The following AGAP2 variants were observed in gnomAD, a reference collection of about 807,000 sequenced individuals.
The protein encoded by AGAP2 is ArfGAP with GTPase domain, ankyrin repeat and PH domain 2, also known as arf-GAP with GTPase, ANK repeat and PH domain-containing protein 2.
Under a neutral mutation model 110.9 loss-of-function variants are expected in AGAP2, and 32 were observed. That is an observed-to-expected ratio of 0.29 (90% CI 0.22 to 0.39). The LOEUF (loss-of-function observed/expected upper bound fraction) is 0.39. AGAP2 is among the 10% of genes least tolerant of loss of function. The pLI is 1.00. For missense variants in AGAP2, 1,285 were observed against 1,638.5 expected (o/e 0.78, Z 3.72); for synonymous variants, 702 against 713.0 (o/e 0.98, Z 0.25).
At chr12:57,724,902 G>A (rs879768940), downstream of AGAP2, 2 of 152,216 alleles carry the variant, frequency 1.3e-5, no homozygotes, top group African/African-American at 2.4e-5. Context: ...CCTCTCCATG[G>A]GCCTGTCCTC....
upstream of AGAP2, among the ~76,000 whole-genome samples, chr12:57,741,345 A>C (rs2140372412): frequency 6.6e-6 from 1 of 152,228 alleles, no homozygotes; most frequent in South Asian, 2.1e-4. Context: ...GACCAAGAAG[A>C]GTTCTGGGGA....
chr12:57,732,532 G>A lies in AGAP2; in HGVS notation c.1685-20C>T, dbSNP rs1450083518. On this transcript the variant is annotated intron_variant, in intron 6 of 18. Transcript: ENST00000547588. ...GGGCCACTGAGGGGAGTTGACGGAA[G>A]GAGGTGTGAGCAGGCCAGATACCCA... 1 of 1,569,358 alleles carries A rather than the reference G, an allele frequency of 6.4e-7. No homozygotes were observed. Among genetic ancestry groups the A allele is most frequent in the African/African-American group, 1.4e-5 (1 of 73,988 alleles).
chr12:57,726,517 C>G lies in AGAP2; in HGVS notation c.*35G>C. The G allele has an allele frequency of 4.1e-6, 5 of 1,205,828 alleles. No homozygotes were observed. The highest frequency in any genetic ancestry group is 5.2e-6 in the Non-Finnish European group (5 of 969,892). 74.7% of individuals were successfully genotyped at this position (1,205,828 alleles called of 1,614,324 possible). A position where few individuals can be genotyped will look rare whatever the true frequency, so the allele number is the denominator to read the frequency against. ...CCGCCCGGTGTGGTCGTGCCCGGCC[C>G]GCGTGGGGATGGGGGTGTCTCTCCC... On this transcript the variant is annotated 3_prime_UTR_variant, in exon 19 of 19. Coordinates refer to ENST00000547588, the MANE Select transcript of AGAP2 (RefSeq NM_001122772.3). This position sits in a 1 kb window ranked among gnomAD's most constrained non-coding sequence, Gnocchi z 5.7.
At chr12:57,732,541 A>G in intron 6 of AGAP2, 29 bp from the exon 7 acceptor site, 1 of 1,557,474 alleles carries the variant, frequency 6.4e-7, no homozygotes, top group Non-Finnish European at 8.7e-7. Context: ...AGGAGGTGTG[A>G]GCAGGCCAGA....
At chr12:57,735,339 C>T in intron 2 of AGAP2, 30 bp downstream of exon 2, 2 of 1,608,298 alleles carry the variant, frequency 1.2e-6, no homozygotes, top group Non-Finnish European at 1.7e-6. Context: ...GGTCAGCCTT[C>T]CCTATAGGCA....
chr12:57,727,874 A>T, intron 15 of AGAP2, 63 bp downstream of exon 15: 1 of 1,607,082 alleles, frequency 6.2e-7, no homozygotes, highest in East Asian at 2.2e-5. Flanking sequence ...TGTCGTTGCC[A>T]ATGGCCGTCA....
At chr12:57,733,747 G>T (rs1210568876) in intron 5 of AGAP2, among the ~76,000 whole-genome samples, 1 of 152,196 alleles carries the variant, frequency 6.6e-6, no homozygotes, top group Non-Finnish European at 1.5e-5. Flanking sequence ...AAATGGCAGT[G>T]TCAGAACACA....
chr12:57,726,713 C>A lies in AGAP2; in HGVS notation c.3418G>T (p.Ala1140Ser). 7.9e-7 allele frequency: 1 copy of A among 1,260,162 alleles called. No homozygotes were observed. The highest frequency in any genetic ancestry group is 1.0e-6 in the Non-Finnish European group (1 of 1,002,748). 78.1% of individuals were successfully genotyped at this position (1,260,162 alleles called of 1,614,324 possible). ...CAGCCGTGCTGGAGAAGGATGTCGGCGCACAGCTGGCTTCCAGCCTGGCGG... is the reference window on the plus strand; with the variant it reads ...CAGCCGTGCTGGAGAAGGATGTCGGAGCACAGCTGGCTTCCAGCCTGGCGG... ...YARQAGSQLCADILLQHGCPG... is the reference protein window; with the variant it reads ...YARQAGSQLCSDILLQHGCPG... The change falls in exon 19 of 19, where the codon GCC becomes TCC. Residue 1140 changes from alanine (A) to serine (S), a missense_variant. By Grantham distance (99) the Ala-to-Ser change is moderately conservative. Transcript: ENST00000547588. This position sits in a 1 kb window ranked among gnomAD's most constrained non-coding sequence, Gnocchi z 5.7.
At position 57,738,198 on chromosome 12, in the gene AGAP2, T is replaced by A; in HGVS notation, c.49A>T (p.Ile17Phe). The A allele has an allele frequency of 6.6e-7, 1 of 1,524,978 alleles. No homozygotes were observed. Among genetic ancestry groups the A allele is most frequent in the Non-Finnish European group, 8.8e-7 (1 of 1,141,482 alleles). 94.5% of individuals were successfully genotyped at this position (1,524,978 alleles called of 1,614,324 possible). Residue 17 changes from isoleucine to phenylalanine, a missense_variant, in exon 1 of 19, where the codon ATC becomes TTC. Physicochemically the swap from Ile to Phe is conservative, Grantham distance 21. Around this residue, in one of 7 missense-constraint regions of AGAP2, gnomAD observed 844 missense variants for 941.2 expected, o/e 0.90. Transcript: ENST00000547588. This position sits in a 1 kb window ranked among gnomAD's most constrained non-coding sequence, Gnocchi z 6.7. ...ALQRRTTTYL[I>F]SLTLVKLESV... ...TCGAGCTTAACCAGGGTCAGCGAGA[T>A]GAGGTAGGTCGTTGTCCGGCGCTGA...
At chr12:57,729,290 G>A (rs1170782290) in intron 13 of AGAP2, among the ~76,000 whole-genome samples, 1 of 151,900 alleles carries the variant, frequency 6.6e-6, no homozygotes, top group South Asian at 2.1e-4. Context: ...CTGAGATAAG[G>A]GGCTGAATCA....
chr12:57,729,092 T>C (rs1689583), intron 13 of AGAP2, among the ~76,000 whole-genome samples: 119,430 of 149,708 alleles, frequency 0.8, 47,791 homozygotes, highest in South Asian at 0.86. Context: ...AGGAGAATGG[T>C]GTGAACCCGG....
chr12:57,727,349 C>T lies in AGAP2; in HGVS notation c.3080+11G>A, dbSNP rs777384457. 2 of 1,607,646 alleles carry T rather than the reference C, an allele frequency of 1.2e-6. No homozygotes were observed. Among genetic ancestry groups the T allele is most frequent in the African/African-American group, 2.7e-5 (2 of 74,902 alleles). ...AGCAACCCTCCCCCCGCTCTGTTCC[C>T]TCACGCTTACCGCGAAGAGTCCCGC... On this transcript the variant is annotated intron_variant, in intron 17 of 18. Coordinates refer to ENST00000547588, the MANE Select transcript of AGAP2 (RefSeq NM_001122772.3).
chr12:57,732,527 C>T lies in AGAP2; in HGVS notation c.1685-15G>A, dbSNP rs370096843. On this transcript the variant is annotated splice_polypyrimidine_tract_variant and intron_variant, in intron 6 of 18. Transcript: ENST00000547588. ...CTTCTGGGCCACTGAGGGGAGTTGA[C>T]GGAAGGAGGTGTGAGCAGGCCAGAT... 1.2e-5 allele frequency: 19 copies of T among 1,572,498 alleles called. No homozygotes were observed. The highest frequency in any genetic ancestry group is 4.7e-5 in the East Asian group (2 of 42,960).
intron 13 of AGAP2, among the ~76,000 whole-genome samples, chr12:57,729,350 G>A (rs1272687098): frequency 6.6e-6 from 1 of 151,842 alleles, no homozygotes; most frequent in African/African-American, 2.4e-5. Context: ...GGTAAGTGGA[G>A]TTGAGGGAAG....
rs1436810594 is a variant in AGAP2 at position 57,732,526 on chromosome 12, A to G, written c.1685-14T>C. The stretch of plus-strand genomic sequence containing the variant: ...CCTTCTGGGCCACTGAGGGGAGTTG[A>G]CGGAAGGAGGTGTGAGCAGGCCAGA... On this transcript the variant is annotated splice_polypyrimidine_tract_variant and intron_variant, in intron 6 of 18. Transcript: ENST00000547588. The G allele has an allele frequency of 6.4e-7, 1 of 1,573,876 alleles. No individual in the cohort carries two copies. Among genetic ancestry groups the G allele is most frequent in the Admixed American group, 1.9e-5 (1 of 53,718 alleles).
chr12:57,735,671 A>G (rs1191779310), intron 1 of AGAP2, among the ~76,000 whole-genome samples: 1 of 152,198 alleles, frequency 6.6e-6, no homozygotes, highest in Non-Finnish European at 1.5e-5. Context: ...AAAATACTTC[A>G]GTTGGCATCT....
At position 57,737,743 on chromosome 12, in the gene AGAP2, A is replaced by G; in HGVS notation, c.504T>C (p.Ser168=). 1 of 1,541,574 alleles carries G rather than the reference A, an allele frequency of 6.5e-7. No homozygotes were observed. Among genetic ancestry groups the G allele is most frequent in the Non-Finnish European group, 8.7e-7 (1 of 1,148,642 alleles). ...RAGGGIPGSS[S]PHPGTGSRRL... is the part of the protein sequence containing the mutation. ...TCCGGCTGCCGGTGCCAGGGTGCGG[A>G]GAGGATGAGCCAGGGATGCCGCCGC... The change falls in exon 1 of 19, where the codon TCT becomes TCC. Residue 168 remains serine (S), a synonymous_variant. Transcript: ENST00000547588. This position sits in a 1 kb window ranked among gnomAD's most constrained non-coding sequence, Gnocchi z 5.9.
chr12:57,734,331 TGCCCCA>T lies in AGAP2; in HGVS notation c.1383_1388del (p.Gly462_Ala463del), dbSNP rs763900111. 2 of 1,614,158 alleles carry T rather than the reference TGCCCCA, an allele frequency of 1.2e-6. No individual in the cohort carries two copies. Among genetic ancestry groups the T allele is most frequent in the South Asian group, 2.2e-5 (2 of 91,084 alleles). On this transcript the variant is annotated inframe_deletion, in exon 4 of 19. Coordinates refer to ENST00000547588, the MANE Select transcript of AGAP2 (RefSeq NM_001122772.3). Reference sequence around the variant, plus strand: ...CCTCCACCCTCACCTTGGCATCAGGTGCCCCAGCTTCCTCTCGGATTAGCACCAGAT... The same window carrying T: ...CCTCCACCCTCACCTTGGCATCAGGTGCTTCCTCTCGGATTAGCACCAGAT...
At chr12:57,728,201 T>C (rs1442284562) in intron 14 of AGAP2, 116 bp from the exon 15 acceptor site, 4 of 1,510,692 alleles carry the variant, frequency 2.6e-6, no homozygotes, top group Non-Finnish European at 3.6e-6. Flanking sequence ...GCAGTGGGGG[T>C]AGGGAAAGCA....
Sources: gnomAD v4.1 joint callset for allele counts (sites outside exome capture counted in the v4.1 genomes callset) on GRCh38, gnomAD v4.1.1 for gene constraint, gnomAD v4.1.1 regional missense constraint, Gnocchi (gnomAD v3.1) non-coding constraint, MANE v1.5 for transcripts, NCBI Gene and HGNC (gene_info 2026-07-23, HGNC 2026-07-21) for gene names.